The following MORC4 variants were observed in gnomAD, a reference collection of about 807,000 sequenced individuals.
The protein encoded by MORC4 is MORC family CW-type zinc finger protein 4.
Under a neutral mutation model 65.5 loss-of-function variants are expected in MORC4, and 22 were observed. The observed-to-expected ratio is 0.34, with a 90% CI of 0.24 to 0.48. The LOEUF (loss-of-function observed/expected upper bound fraction) is 0.48. Ranked by LOEUF, MORC4 falls within the 20% of genes least tolerant of loss-of-function variation. The pLI is 0.99. For synonymous variants in MORC4, 267 were observed against 255.8 expected, an observed-to-expected ratio of 1.04 and a Z score of -0.42; for missense variants, 624 against 703.0, an observed-to-expected ratio of 0.89 and a Z score of 1.27.
At chrX:106,959,226 TTACCTAC>T (rs1456379931) in intron 10 of MORC4, among the ~76,000 whole-genome samples, 9 of 111,641 alleles carry the variant, frequency 8.1e-5, no homozygotes, top group Non-Finnish European at 1.1e-4. Context: ...TTCCCCTCAG[TTACCTAC>T]ACTTTAGAGT....
chrX:106,980,505 T>A (rs764835970), intron 7 of MORC4, among the ~76,000 whole-genome samples: 1 of 111,889 alleles, frequency 8.9e-6, no homozygotes, highest in South Asian at 3.7e-4. Context: ...TTAATATATA[T>A]CAAAATCCAG....
intron 8 of MORC4, 34 bp from the exon 9 acceptor site, chrX:106,976,718 T>C (rs764104976): frequency 9.8e-7 from 1 of 1,018,692 alleles, no homozygotes; most frequent in Non-Finnish European, 1.4e-6. Flanking sequence ...ACACTTACAT[T>C]ACTGTTGGCT....
intron 3 of MORC4, among the ~76,000 whole-genome samples, chrX:106,986,404 T>C (rs192614778): frequency 8.9e-6 from 1 of 111,916 alleles, no homozygotes; most frequent in African/African-American, 3.2e-5. Context: ...ATGGGACTAA[T>C]TTTCCTGTGT....
Position 106,978,050 on chromosome X carries a change from TC to T in MORC4, c.1056+29del, listed in dbSNP as rs764451690. Reference sequence around the variant, plus strand: ...AATTCTCTTCCTACTCTTTTCAGCCTCCTATGACAAAGAAATATTAACTACT... The same window carrying T: ...AATTCTCTTCCTACTCTTTTCAGCCTCTATGACAAAGAAATATTAACTACT... On this transcript the variant is annotated intron_variant, in intron 8 of 16. Transcript: ENST00000355610. 42 of 1,204,053 alleles carry T rather than the reference TC, an allele frequency of 3.5e-5. No individual in the cohort carries two copies. In the African/African-American group the frequency reaches 6.3e-4, roughly 18 times the overall value.
Position 106,978,161 on chromosome X carries a change from C to A in MORC4, c.975G>T (p.Lys325Asn), listed in dbSNP as rs778848235. The A allele has an allele frequency of 8.3e-7, 1 of 1,205,750 alleles. No homozygotes were observed. The highest frequency in any genetic ancestry group is 2.2e-5 in the Admixed American group (1 of 45,419). ...TCATTATTCCAAACTGGTTACTATT[C>A]TTGCAAGAGAACCCAAAGGTGATTC... is the stretch of plus-strand genomic sequence containing the variant. ...QVRITFGFSC[K>N]NSNQFGIMMY... Residue 325 changes from lysine to asparagine, a missense_variant, in exon 8 of 17, where the codon AAG becomes AAT. By Grantham distance (94) the Lys-to-Asn change is moderately conservative (BLOSUM62 0). Transcript: ENST00000355610.
rs2147831801 is a variant in MORC4, at chrX:107,000,204, C to T, written c.-235G>A. Reference sequence around the variant, plus strand: ...CCGCCCTGTCAGCACCTCTACCGACCCGGCGACTGCCCGGGCTGCCTCTGG... The same window carrying T: ...CCGCCCTGTCAGCACCTCTACCGACTCGGCGACTGCCCGGGCTGCCTCTGG... On this transcript the variant is annotated 5_prime_UTR_variant, in exon 1 of 17. Transcript: ENST00000355610. 1 of 121,616 alleles carries T rather than the reference C, an allele frequency of 8.2e-6. No individual in the cohort carries two copies. The highest frequency in any genetic ancestry group is 3.6e-4 in the South Asian group (1 of 2,792). 10.0% of individuals were successfully genotyped at this position (121,616 alleles called of 1,213,427 possible). A position where few individuals can be genotyped will look rare whatever the true frequency, so the allele number is the denominator to read the frequency against.
chrX:106,951,994 G>A (rs1333477133), intron 14 of MORC4, among the ~76,000 whole-genome samples: 3 of 19,513 alleles, frequency 1.5e-4, no homozygotes, highest in Non-Finnish European at 2.3e-4. Flanking sequence ...AGACTCTGCC[G>A]CAAAAAAAAA....
At chrX:106,992,280 A>G (rs1231631968) in intron 3 of MORC4, among the ~76,000 whole-genome samples, 1 of 112,507 alleles carries the variant, frequency 8.9e-6, no homozygotes, top group East Asian at 2.8e-4. Context: ...TTGATTTAGA[A>G]TACCTACAAG....
At chrX:106,947,590 T>TATAA (rs1555982175) in intron 14 of MORC4, among the ~76,000 whole-genome samples, 2 of 83,282 alleles carry the variant, frequency 2.4e-5, no homozygotes, top group African/African-American at 5.7e-5. Flanking sequence ...TATATATATA[T>TATAA]AATATATATA....
chrX:106,961,858 A>G (rs1344697332), intron 10 of MORC4, among the ~76,000 whole-genome samples, 154 bp downstream of exon 10: 2 of 111,834 alleles, frequency 1.8e-5, no homozygotes, highest in African/African-American at 6.5e-5. Context: ...AAGAGCTGTA[A>G]CACTCACCAC....
chrX:106,970,798 G>A (rs747583181), intron 9 of MORC4, among the ~76,000 whole-genome samples: 1 of 111,660 alleles, frequency 9.0e-6, no homozygotes, highest in East Asian at 2.8e-4. Context: ...ACAAACCACT[G>A]CTCAAGGAAA....
chrX:106,983,948 A>G (rs1934801787), intron 5 of MORC4, among the ~76,000 whole-genome samples: 1 of 110,959 alleles, frequency 9.0e-6, no homozygotes, highest in Non-Finnish European at 1.9e-5. Context: ...TTTTTTTCTC[A>G]TACTTCATTG....
chrX:106,950,076 G>A (rs768523018), intron 14 of MORC4, among the ~76,000 whole-genome samples: 1 of 111,910 alleles, frequency 8.9e-6, no homozygotes, highest in Non-Finnish European at 1.9e-5. Flanking sequence ...GCTTGAGGAC[G>A]GCTTTCAAGT....
intron 14 of MORC4, among the ~76,000 whole-genome samples, chrX:106,944,248 C>A (rs1933769648): frequency 1.8e-5 from 2 of 111,810 alleles, no homozygotes; most frequent in Admixed American, 1.9e-4. Flanking sequence ...TACAACTGAT[C>A]TGCCATCTTA....
At chrX:106,978,263 T>C (rs1237205876) in intron 7 of MORC4, 64 bp from the exon 8 acceptor site, 2 of 1,089,435 alleles carry the variant, frequency 1.8e-6, no homozygotes, top group Non-Finnish European at 2.4e-6. Flanking sequence ...TTTTACACCA[T>C]ATTATAGCAA....
At chrX:106,991,061 T>C (rs1934971888) in intron 3 of MORC4, among the ~76,000 whole-genome samples, 1 of 111,551 alleles carries the variant, frequency 9.0e-6, no homozygotes. Context: ...ATATTTGGTA[T>C]GATAGGGAAA....
Position 106,958,656 on chromosome X carries a change from T to C in MORC4, c.1257-192A>G, listed in dbSNP as rs138116100. Among the ~76,000 whole-genome samples, 323 of 112,060 alleles carry C rather than the reference T, an allele frequency of 2.9e-3. 1 individual carries two copies. In the South Asian group the frequency reaches 0.053, roughly 18 times the overall value. On this transcript the variant is annotated intron_variant, in intron 10 of 16. Coordinates refer to ENST00000355610, the MANE Select transcript of MORC4 (RefSeq NM_024657.5). ...TAAAATGATAGAACTATAGCAAATATGGATATGAAAAATAGTAACAAGTAT... is the reference window on the plus strand; with the variant it reads ...TAAAATGATAGAACTATAGCAAATACGGATATGAAAAATAGTAACAAGTAT...
intron 9 of MORC4, among the ~76,000 whole-genome samples, chrX:106,966,291 C>G (rs1934371105): frequency 8.9e-6 from 1 of 112,433 alleles, no homozygotes; most frequent in Non-Finnish European, 1.9e-5. Flanking sequence ...ACACAAACTA[C>G]TCTTTGAAAA....
chrX:106,981,087 A>G, intron 6 of MORC4, 68 bp from the exon 7 acceptor site: 1 of 1,137,816 alleles, frequency 8.8e-7, no homozygotes, highest in Non-Finnish European at 1.2e-6. Context: ...ATCCCCATAA[A>G]ACACTGCTAC....
Sources: allele counts gnomAD v4.1 joint callset (sites outside exome capture counted in the v4.1 genomes callset), GRCh38; gene constraint gnomAD v4.1.1; transcripts MANE v1.5; gene names NCBI Gene and HGNC (gene_info 2026-07-23, HGNC 2026-07-21).